The following GFRAL variants were observed in gnomAD, a reference collection of about 807,000 sequenced individuals.
GFRAL encodes GDNF family receptor alpha like, also known as GDNF family receptor alpha-like.
GFRAL carries 36 observed loss-of-function variants against 45.4 expected under a neutral mutation model. The observed-to-expected ratio is 0.79, with a 90% confidence interval of 0.61 to 1.05. The LOEUF is 1.05. Among genes scored for constraint, GFRAL ranks in the 50% least tolerant of loss-of-function variants. The pLI is 0.00. For synonymous variants in GFRAL, 166 were observed against 154.1 expected (o/e 1.08, Z -0.57); for missense variants, 507 against 467.5 (o/e 1.08, Z -0.78).
intron 6 of GFRAL, among the ~76,000 whole-genome samples, chr6:55,395,834 T>C (rs1389089733): frequency 1.3e-5 from 2 of 151,570 alleles, no homozygotes; most frequent in African/African-American, 4.8e-5. Flanking sequence ...CCATAGCTCA[T>C]TTGGGGAGAA....
At chr6:55,358,351 A>G (rs1197640311) in intron 5 of GFRAL, among the ~76,000 whole-genome samples, 1 of 151,944 alleles carries the variant, frequency 6.6e-6, no homozygotes, top group Non-Finnish European at 1.5e-5. Flanking sequence ...CTTTTTTTCA[A>G]TTTTATTACA....
intron 6 of GFRAL, among the ~76,000 whole-genome samples, chr6:55,364,791 G>A (rs12182119): frequency 0.11 from 16,786 of 151,316 alleles, 976 homozygotes; most frequent in African/African-American, 0.16. Context: ...CTGTTCCATT[G>A]ATCTATATCT....
chr6:55,344,634 A>G (rs1362576467), intron 3 of GFRAL, among the ~76,000 whole-genome samples: 3 of 152,216 alleles, frequency 2.0e-5, no homozygotes, highest in Non-Finnish European at 4.4e-5. Flanking sequence ...CTGGCACAAG[A>G]CAGGGATGCC....
chr6:55,369,366 CG>C (rs1768417735), intron 6 of GFRAL, among the ~76,000 whole-genome samples: 1 of 152,182 alleles, frequency 6.6e-6, no homozygotes, highest in Non-Finnish European at 1.5e-5. Context: ...GAGATGAACC[CG>C]GTACCTCGGA....
chr6:55,352,257 A>G (rs574832077), intron 5 of GFRAL, among the ~76,000 whole-genome samples: 2 of 152,194 alleles, frequency 1.3e-5, no homozygotes, highest in Non-Finnish European at 2.9e-5. Context: ...CAAACCATAC[A>G]TAATAATATA....
At chr6:55,340,053 T>C (rs1371305635) in intron 3 of GFRAL, among the ~76,000 whole-genome samples, 2 of 152,226 alleles carry the variant, frequency 1.3e-5, no homozygotes, top group Non-Finnish European at 2.9e-5. Flanking sequence ...ATATTCCCGA[T>C]GGACTTCGTA....
At chr6:55,358,550 T>C (rs1442355986) in intron 5 of GFRAL, among the ~76,000 whole-genome samples, 9 of 151,930 alleles carry the variant, frequency 5.9e-5, no homozygotes, top group African/African-American at 2.4e-5. Flanking sequence ...CAAAACTATA[T>C]TTGGAATAAA....
chr6:55,362,767 T>C (rs17830060), intron 6 of GFRAL, among the ~76,000 whole-genome samples: 6,321 of 151,964 alleles, frequency 0.042, 186 homozygotes, highest in South Asian at 0.14. Context: ...ATACCAGTTA[T>C]ATAGTCAACT....
chr6:55,398,443 G>A lies in GFRAL; in HGVS notation c.953-737G>A, dbSNP rs115401436. Among the ~76,000 whole-genome samples the A allele has an allele frequency of 7.8e-3, 1,181 of 152,200 alleles. 12 individuals are homozygous for A. The highest frequency in any genetic ancestry group is 0.017 in the African/African-American group (693 of 41,522). On this transcript the variant is annotated intron_variant, in intron 6 of 8. Transcript: ENST00000340465. ...ATTTGTGTACAATTACTCAAAACTC[G>A]GAGTGATTTCACTTTAAAGTTATTG...
intron 6 of GFRAL, among the ~76,000 whole-genome samples, chr6:55,370,722 A>G (rs138761469): frequency 0.014 from 2,057 of 152,352 alleles, 46 homozygotes; most frequent in African/African-American, 0.046. Context: ...CAGTAGGACC[A>G]GCTTCATGGA....
intron 6 of GFRAL, among the ~76,000 whole-genome samples, chr6:55,369,022 C>T (rs537063250): frequency 5.3e-5 from 8 of 151,932 alleles, no homozygotes; most frequent in African/African-American, 1.7e-4. Flanking sequence ...TGGGCAATGG[C>T]GGGCGCCCCT....
chr6:55,345,318 A>C (rs9464226), intron 3 of GFRAL, among the ~76,000 whole-genome samples: 3,058 of 152,286 alleles, frequency 0.02, 106 homozygotes, highest in African/African-American at 0.069. Context: ...AGTAACCAAA[A>C]CAGCATGGTA....
At position 55,359,024 on chromosome 6, in the gene GFRAL, A is replaced by T. The variant is rs1371618718; in HGVS notation, c.838A>T (p.Ile280Leu). 6 of 1,613,018 alleles carry T rather than the reference A, an allele frequency of 3.7e-6. No homozygotes were observed. The highest frequency in any genetic ancestry group is 4.2e-6 in the Non-Finnish European group (5 of 1,179,414). Residue 280 changes from isoleucine to leucine, a missense_variant, in exon 6 of 9, where the codon ATA (isoleucine) becomes TTA (leucine). By Grantham distance (5) the Ile-to-Leu change is conservative. Transcript: ENST00000340465. ...SGSDDCKAAY[I>L]DILGTVLQVQ... ...AAGTGATGACTGCAAAGCTGCTTAC[A>T]TAGATATCCTTGGGACGGTCCTTCA...
intron 6 of GFRAL, among the ~76,000 whole-genome samples, chr6:55,388,570 G>A (rs73744247): frequency 0.027 from 4,102 of 152,224 alleles, 188 homozygotes; most frequent in African/African-American, 0.09. Context: ...TGTACACTAA[G>A]CATATGTCTA....
intron 6 of GFRAL, among the ~76,000 whole-genome samples, chr6:55,381,718 T>C (rs1189635903): frequency 6.6e-6 from 1 of 151,876 alleles, no homozygotes; most frequent in Non-Finnish European, 1.5e-5. Flanking sequence ...TTACATGTTA[T>C]AATTTTTACT....
At chr6:55,377,197 C>T (rs918160266) in intron 6 of GFRAL, among the ~76,000 whole-genome samples, 3 of 152,086 alleles carry the variant, frequency 2.0e-5, no homozygotes, top group Middle Eastern at 6.8e-3. Context: ...ATCTTTCCAG[C>T]CCCCAATAGG....
At chr6:55,372,486 G>A (rs1768463947) in intron 6 of GFRAL, among the ~76,000 whole-genome samples, 1 of 152,170 alleles carries the variant, frequency 6.6e-6, no homozygotes, top group Non-Finnish European at 1.5e-5. Context: ...GGAGCATTAA[G>A]TCCAATCAGC....
rs554283777 is a variant in GFRAL at position 55,374,567 on chromosome 6, C to T, written c.952+15429C>T. 3.1e-4 allele frequency among the ~76,000 whole-genome samples: 47 copies of T among 152,126 alleles called. 1 individual carries two copies. Among genetic ancestry groups the T allele is most frequent in the African/African-American group, 7.2e-4 (30 of 41,522 alleles). On this transcript the variant is annotated intron_variant, in intron 6 of 8. Transcript: ENST00000340465. The stretch of plus-strand genomic sequence containing the variant: ...TGGAAAGATTGCAAAAGTTTTCTTC[C>T]ACTATGTAGGTTGTCTGTTCACTCT...
At chr6:55,333,759 C>T in intron 2 of GFRAL, 27 bp from the exon 3 acceptor site, 2 of 1,514,172 alleles carry the variant, frequency 1.3e-6, no homozygotes, top group South Asian at 2.6e-5. Flanking sequence ...AGATTAATAT[C>T]TATAGTGTTA....
Sources: gnomAD v4.1 joint callset for allele counts (sites outside exome capture counted in the v4.1 genomes callset) on GRCh38, gnomAD v4.1.1 for gene constraint, MANE v1.5 for transcripts, NCBI Gene and HGNC (gene_info 2026-07-23, HGNC 2026-07-21) for gene names.